The following GPLD1 variants were observed in gnomAD, a reference collection of about 807,000 sequenced individuals.
The protein encoded by GPLD1 is phosphatidylinositol-glycan-specific phospholipase D.
Under a neutral mutation model 112.6 loss-of-function variants are expected in GPLD1, and 84 were observed. The ratio of observed to expected loss-of-function variants is 0.75; its 90% CI spans 0.63 to 0.89. GPLD1 has a LOEUF of 0.89. Ranked by LOEUF, GPLD1 falls within the 40% of genes least tolerant of loss-of-function variation. The probability of loss-of-function intolerance (pLI) is 0.00; values close to 1 mark genes in which losing one functional copy is unlikely to be tolerated. For missense variants in GPLD1, 1,044 were observed against 1,051.5 expected (o/e 0.99, Z 0.10); for synonymous variants, 386 against 403.8 (o/e 0.96, Z 0.53).
At chr6:24,485,757 C>T (rs1764352603) in intron 2 of GPLD1, among the ~76,000 whole-genome samples, 1 of 151,676 alleles carries the variant, frequency 6.6e-6, no homozygotes, top group Non-Finnish European at 1.5e-5. Context: ...ACAACCTCCA[C>T]CTCCTGGGTT....
intron 1 of GPLD1, among the ~76,000 whole-genome samples, chr6:24,487,153 A>G (rs924323012): frequency 4.6e-5 from 7 of 152,128 alleles, no homozygotes; most frequent in Non-Finnish European, 7.3e-5. Context: ...TAATATCATA[A>G]AAGTCACAAC....
In GPLD1 at chr6:24,455,538, A is replaced by AT. The variant is rs530138207; in HGVS notation, c.1148+959dup. On this transcript the variant is annotated intron_variant, in intron 13 of 24. Transcript: ENST00000230036. ...TTGTATGTTGTTGTTGTTTTGTTTT[A>AT]TTTTTTTATTTATTTTGGGGGCTTA... Among the ~76,000 whole-genome samples the AT allele has an allele frequency of 8.7e-4, 132 of 152,076 alleles. 1 individual carries two copies. In the Middle Eastern group the frequency reaches 0.01, roughly 12 times the overall value.
chr6:24,447,111 G>GTC (rs1385782871), intron 17 of GPLD1, 132 bp from the exon 18 acceptor site: 1 of 673,860 alleles, frequency 1.5e-6, no homozygotes, highest in Non-Finnish European at 2.5e-6. Context: ...GGTCTTATAT[G>GTC]TCCCCATGCT....
chr6:24,434,600 C>T (rs1049975440), intron 22 of GPLD1, among the ~76,000 whole-genome samples: 2 of 151,882 alleles, frequency 1.3e-5, no homozygotes, highest in African/African-American at 4.8e-5. Flanking sequence ...TATTTTAAGA[C>T]AGGGTCTTGG....
chr6:24,461,512 G>A (rs918233220), intron 11 of GPLD1, among the ~76,000 whole-genome samples: 9 of 151,990 alleles, frequency 5.9e-5, no homozygotes, highest in Non-Finnish European at 8.8e-5. Context: ...TAAATATCCC[G>A]GTTAAGCCAT....
Position 24,462,731 on chromosome 6 carries a change from C to T in GPLD1, c.886G>A (p.Gly296Ser), listed in dbSNP as rs1763476914. The T allele has an allele frequency of 1.9e-6, 3 of 1,609,096 alleles. No homozygotes were observed. The highest frequency in any genetic ancestry group is 2.6e-6 in the Non-Finnish European group (3 of 1,175,426). ...ACGGQQNHTQ[G>S]SKMQKNDFHR... ...TGAACAATTTTGGAATCCACTTACC[C>T]CTGGGTGTGGTTTTGCTGGCCGCCA... The change falls in exon 11 of 25, where the codon GGC becomes AGC. Residue 296 changes from glycine (G) to serine (S), a missense_variant and splice_region_variant. Gly to Ser is a moderately conservative substitution (Grantham distance 56, BLOSUM62 0). Coordinates refer to ENST00000230036, the MANE Select transcript of GPLD1 (RefSeq NM_001503.4).
chr6:24,479,617 T>C (rs760906), intron 3 of GPLD1, among the ~76,000 whole-genome samples: 74,068 of 151,958 alleles, frequency 0.49, 18,659 homozygotes, highest in African/African-American at 0.59. Context: ...TTCTATCATG[T>C]CACTTAGGTT....
chr6:24,438,482 T>A (rs1762647751), intron 20 of GPLD1, among the ~76,000 whole-genome samples: 2 of 152,210 alleles, frequency 1.3e-5, no homozygotes, highest in African/African-American at 4.8e-5. Flanking sequence ...TGTGTAAAAC[T>A]GAGCTAATCT....
At position 24,429,125 on chromosome 6, in the gene GPLD1, G is replaced by A. The variant is rs748799206; in HGVS notation, c.2437-7C>T. Reference sequence around the variant, plus strand: ...CAGCAATGACGACTTGGTTCTGTAAGGGACACAAGACAGAATTCATGGCTC... The same window carrying A: ...CAGCAATGACGACTTGGTTCTGTAAAGGACACAAGACAGAATTCATGGCTC... On this transcript the variant is annotated splice_region_variant and splice_polypyrimidine_tract_variant and intron_variant, in intron 24 of 24. Transcript: ENST00000230036. 2.5e-6 allele frequency: 4 copies of A among 1,598,468 alleles called. No individual in the cohort carries two copies. In the South Asian group the frequency reaches 4.4e-5, roughly 18 times the overall value.
At chr6:24,472,962 G>A (rs902247593) in intron 6 of GPLD1, 22 of 209,296 alleles carry the variant, frequency 1.1e-4, no homozygotes, top group Admixed American at 9.9e-4. Context: ...TTTTAGTAGA[G>A]GTGGGGTTTC....
intron 13 of GPLD1, among the ~76,000 whole-genome samples, chr6:24,454,498 A>C (rs1464098405): frequency 6.6e-6 from 1 of 152,212 alleles, no homozygotes; most frequent in African/African-American, 2.4e-5. Context: ...TATACACAAA[A>C]CCAGGGCTTG....
chr6:24,460,532 G>T (rs959548851), intron 11 of GPLD1, 133 bp from the exon 12 acceptor site: 4 of 859,796 alleles, frequency 4.7e-6, no homozygotes, highest in Middle Eastern at 3.7e-4. Context: ...GGCTGAAGGA[G>T]CAACACAGAA....
chr6:24,473,358 G>C, intron 6 of GPLD1: 3 of 284,304 alleles, frequency 1.1e-5, no homozygotes, highest in Non-Finnish European at 2.0e-5. Flanking sequence ...CAATGTATAA[G>C]TAAAGTTTTT....
intron 22 of GPLD1, among the ~76,000 whole-genome samples, chr6:24,435,189 C>G (rs991516017): frequency 6.6e-6 from 1 of 150,924 alleles, no homozygotes; most frequent in African/African-American, 2.4e-5. Context: ...TTTTTTGTAT[C>G]TTTAGTAGGG....
rs750205844 is a variant in GPLD1, at chr6:24,446,801, T to C, written c.1820+37A>G. ...CTCCATAGCAGCAGGTACCTGCCCCTGTGTTCATGGTTCCCAGCCCCCAGC... is the reference window on the plus strand; with the variant it reads ...CTCCATAGCAGCAGGTACCTGCCCCCGTGTTCATGGTTCCCAGCCCCCAGC... On this transcript the variant is annotated intron_variant, in intron 18 of 24. Coordinates refer to ENST00000230036, the MANE Select transcript of GPLD1 (RefSeq NM_001503.4). 6 of 1,603,728 alleles carry C rather than the reference T, an allele frequency of 3.7e-6. No individual in the cohort carries two copies. In the African/African-American group the frequency reaches 4.0e-5, roughly 11 times the overall value.
chr6:24,426,099 G>A lies in GPLD1; in HGVS notation c.*2933C>T, dbSNP rs1422632561. On this transcript the variant is annotated 3_prime_UTR_variant, in exon 25 of 25. Transcript: ENST00000230036. The stretch of plus-strand genomic sequence containing the variant: ...TTCCTATCTTGAAGCCTTGAGAAAA[G>A]CTGTTACATATACGCAGATAGTAGC... The A allele has an allele frequency of 6.6e-6, 1 of 152,102 alleles. No homozygotes were observed. Among genetic ancestry groups the A allele is most frequent in the African/African-American group, 2.4e-5 (1 of 41,408 alleles). The allele number at this position is 152,102 out of a possible 1,614,324, so 9.4% of individuals were successfully genotyped here.
At chr6:24,492,042 T>C (rs1177427930), upstream of GPLD1, among the ~76,000 whole-genome samples, 2 of 152,110 alleles carry the variant, frequency 1.3e-5, no homozygotes, top group African/African-American at 2.4e-5. Context: ...TTTCCTAATA[T>C]AGGTGGCTTT....
At position 24,475,622 on chromosome 6, in the gene GPLD1, A is replaced by G. The variant is rs922061765; in HGVS notation, c.331-391T>C. Among the ~76,000 whole-genome samples the G allele has an allele frequency of 4.1e-4, 62 of 149,442 alleles. 1 individual carries two copies. The highest frequency in any genetic ancestry group is 1.4e-3 in the African/African-American group (55 of 40,410). On this transcript the variant is annotated intron_variant, in intron 4 of 24. Coordinates refer to ENST00000230036, the MANE Select transcript of GPLD1 (RefSeq NM_001503.4). Reference sequence around the variant, plus strand: ...CACTTTGGGAGGCCTATGCAGGTGGATCACGAGGTCAGGAAATCGAGACCA... The same window carrying G: ...CACTTTGGGAGGCCTATGCAGGTGGGTCACGAGGTCAGGAAATCGAGACCA...
At chr6:24,495,248 C>T, upstream of GPLD1, 1 of 1,526,720 alleles carries the variant, frequency 6.5e-7, no homozygotes, top group South Asian at 1.2e-5. Context: ...CGGCCAGCGG[C>T]GCCGCTCTGG....
Sources: gnomAD v4.1 joint callset for allele counts (sites outside exome capture counted in the v4.1 genomes callset) on GRCh38, gnomAD v4.1.1 for gene constraint, MANE v1.5 for transcripts, NCBI Gene and HGNC (gene_info 2026-07-23, HGNC 2026-07-21) for gene names.